Variants in FREM2 observed in about 807,000 individuals in gnomAD.
FREM2 encodes FRAS1 related extracellular matrix 2, also known as FRAS1-related extracellular matrix protein 2.
Under a neutral mutation model 219.9 loss-of-function variants are expected in FREM2, and 119 were observed. The observed-to-expected ratio is 0.54, with a 90% CI of 0.47 to 0.63. The LOEUF is 0.63. Ranked by LOEUF, FREM2 falls within the 30% of genes least tolerant of loss-of-function variation. The pLI, the probability that FREM2 is intolerant of heterozygous loss-of-function variation, is 0.00. For synonymous variants in FREM2, 1,562 were observed against 1,522.8 expected (o/e 1.03, Z -0.60); for missense variants, 4,030 against 3,993.6 (o/e 1.01, Z -0.25).
chr13:38,690,423 C>T lies in FREM2; in HGVS notation c.3079C>T (p.Pro1027Ser), dbSNP rs1869777744. 1 of 1,614,104 alleles carries T rather than the reference C, an allele frequency of 6.2e-7. No individual in the cohort carries two copies. ...THTSGEIGLL[P>S]KADSFNLSLS... ...CACCAGTGGTGAGATAGGCCTATTGCCTAAAGCGGATTCTTTTAACCTGAG... is the reference window on the plus strand; with the variant it reads ...CACCAGTGGTGAGATAGGCCTATTGTCTAAAGCGGATTCTTTTAACCTGAG... Residue 1027 changes from proline (P) to serine (S), a missense_variant, in exon 1 of 24, where the codon CCT (proline) becomes TCT (serine). Pro to Ser is a moderately conservative substitution (Grantham distance 74). This residue lies in a region of FREM2 where 3,102 missense variants were observed against 2,950.7 expected (regional missense o/e 1.05). Transcript: ENST00000280481.
rs777183201 is a variant in FREM2, at chr13:38,857,971, G to A, written c.7153G>A (p.Asp2385Asn). Residue 2385 changes from aspartate (D) to asparagine (N), a missense_variant, in exon 13 of 24, where the codon GAC (aspartate) becomes AAC (asparagine). This residue lies in a region of FREM2 where 928 missense variants were observed against 1,042.9 expected (regional missense o/e 0.89). Coordinates refer to ENST00000280481, the MANE Select transcript of FREM2 (RefSeq NM_207361.6). ...PQIVSLLMYDDTSKAKESAEP... is the reference protein window; with the variant it reads ...PQIVSLLMYDNTSKAKESAEP... The stretch of plus-strand genomic sequence containing the variant: ...AATTGTATCCCTGTTGATGTATGAC[G>A]ACACTTCCAAAGCTAAGGAGAGTGC... 10 of 1,613,726 alleles carry A rather than the reference G, an allele frequency of 6.2e-6. No homozygotes were observed. Among genetic ancestry groups the A allele is most frequent in the African/African-American group, 2.7e-5 (2 of 74,900 alleles).
chr13:38,801,892 G>A (rs571479070), intron 6 of FREM2, among the ~76,000 whole-genome samples: 2 of 152,272 alleles, frequency 1.3e-5, no homozygotes, highest in East Asian at 3.9e-4. Flanking sequence ...TCTGGACCAT[G>A]GATATAATGT....
chr13:38,833,751 A>G (rs1876600638), intron 6 of FREM2, among the ~76,000 whole-genome samples: 1 of 152,124 alleles, frequency 6.6e-6, no homozygotes, highest in African/African-American at 2.4e-5. Context: ...TCAAAGCCTG[A>G]AAAACCCATA....
At chr13:38,816,173 A>G (rs575101174) in intron 6 of FREM2, among the ~76,000 whole-genome samples, 4 of 152,328 alleles carry the variant, frequency 2.6e-5, no homozygotes, top group African/African-American at 9.6e-5. Context: ...ACTAATACCA[A>G]TTCTTCTCAA....
At position 38,807,189 on chromosome 13, in the gene FREM2, T is replaced by TTATATATATATA. The variant is rs59551341; in HGVS notation, c.6019+22409_6019+22420dup. Among the ~76,000 whole-genome samples, 397 of 45,152 alleles carry TTATATATATATA rather than the reference T, an allele frequency of 8.8e-3. 7 individuals carry two copies. Among genetic ancestry groups the TTATATATATATA allele is most frequent in the East Asian group, 0.014 (12 of 848 alleles). The allele number at this position is 45,152 out of a possible 152,430, so 29.6% of individuals were successfully genotyped here. On this transcript the variant is annotated intron_variant, in intron 6 of 23. Coordinates refer to ENST00000280481, the MANE Select transcript of FREM2 (RefSeq NM_207361.6). ...CCTTTTTGCAGAGATCTTGTCTCTGTTATATATATATATATATATATATAT... is the reference window on the plus strand; with the variant it reads ...CCTTTTTGCAGAGATCTTGTCTCTGTTATATATATATATATATATATATATATATATATATAT...
intron 21 of FREM2, among the ~76,000 whole-genome samples, chr13:38,877,796 C>T (rs968793404): frequency 1.3e-5 from 2 of 152,188 alleles, no homozygotes; most frequent in African/African-American, 4.8e-5. Flanking sequence ...CAGTATATAT[C>T]TTATCAACTT....
intron 2 of FREM2, among the ~76,000 whole-genome samples, chr13:38,752,599 A>G (rs190011420): frequency 6.2e-4 from 94 of 152,312 alleles, no homozygotes; most frequent in African/African-American, 2.0e-3. Flanking sequence ...AATGGAAACA[A>G]GTCAGATTAA....
intron 2 of FREM2, among the ~76,000 whole-genome samples, chr13:38,762,149 C>A (rs1283184329): frequency 6.6e-6 from 1 of 152,152 alleles, no homozygotes; most frequent in East Asian, 1.9e-4. Flanking sequence ...CTGAGTCGAT[C>A]TTTGAAGAAA....
intron 11 of FREM2, among the ~76,000 whole-genome samples, chr13:38,854,174 T>C (rs1013720066): frequency 3.3e-5 from 5 of 150,538 alleles, no homozygotes; most frequent in Admixed American, 6.6e-5. Flanking sequence ...TTTTTCATGC[T>C]AAAATAGTCT....
chr13:38,785,217 G>A (rs1223389340), intron 6 of FREM2, among the ~76,000 whole-genome samples: 1 of 152,016 alleles, frequency 6.6e-6, no homozygotes, highest in East Asian at 1.9e-4. Flanking sequence ...AAACCTGTCG[G>A]GCAAGGCTGT....
At chr13:38,850,293 A>C in intron 9 of FREM2, 58 bp downstream of exon 9, 1 of 1,360,210 alleles carries the variant, frequency 7.4e-7, no homozygotes, top group African/African-American at 1.4e-5. Context: ...TTTTACTCAG[A>C]AATATATATC....
chr13:38,753,053 C>T (rs939165018), intron 2 of FREM2, among the ~76,000 whole-genome samples: 2 of 152,142 alleles, frequency 1.3e-5, no homozygotes, highest in African/African-American at 4.8e-5. Flanking sequence ...AATCTTGCTG[C>T]ACCAGGTGTT....
At chr13:38,829,796 C>G (rs1242562267) in intron 6 of FREM2, among the ~76,000 whole-genome samples, 1 of 151,884 alleles carries the variant, frequency 6.6e-6, no homozygotes, top group Non-Finnish European at 1.5e-5. Context: ...CTGAAAGACA[C>G]AAACGGAATA....
At chr13:38,800,595 C>G (rs1311685285) in intron 6 of FREM2, among the ~76,000 whole-genome samples, 1 of 152,076 alleles carries the variant, frequency 6.6e-6, no homozygotes, top group Non-Finnish European at 1.5e-5. Context: ...ATGTCTAGGT[C>G]TCTTGCTAGA....
At chr13:38,862,687 A>G (rs1215232176) in intron 15 of FREM2, among the ~76,000 whole-genome samples, 1 of 152,122 alleles carries the variant, frequency 6.6e-6, no homozygotes, top group African/African-American at 2.4e-5. Context: ...CTTTTGCTGT[A>G]TTGCTTATGC....
chr13:38,749,197 G>C (rs1872605982), intron 2 of FREM2, among the ~76,000 whole-genome samples: 1 of 152,056 alleles, frequency 6.6e-6, no homozygotes, highest in African/African-American at 2.4e-5. Context: ...ATCAAACTTT[G>C]ACACAGTTTG....
At chr13:38,697,362 CT>C (rs1438206906) in intron 1 of FREM2, among the ~76,000 whole-genome samples, 6 of 152,190 alleles carry the variant, frequency 3.9e-5, no homozygotes, top group Non-Finnish European at 5.9e-5. Context: ...CTCAAAATAT[CT>C]TCCTTTCCAC....
intron 12 of FREM2, among the ~76,000 whole-genome samples, chr13:38,857,173 C>T (rs1490263135): frequency 6.6e-6 from 1 of 152,048 alleles, no homozygotes; most frequent in Non-Finnish European, 1.5e-5. Context: ...GATAGTCACT[C>T]AAATTACTTC....
Position 38,687,109 on chromosome 13 carries a change from G to C in FREM2, c.-236G>C. 3.4e-6 allele frequency: 2 copies of C among 593,456 alleles called. No individual in the cohort carries two copies. The highest frequency in any genetic ancestry group is 4.2e-5 in the South Asian group (2 of 47,564). The allele number at this position is 593,456 out of a possible 1,614,324, so 36.8% of individuals were successfully genotyped here. On this transcript the variant is annotated 5_prime_UTR_variant, in exon 1 of 24. Transcript: ENST00000280481. ...GAGGGATTCAATTCTCCGCGCGATT[G>C]AGGCGCTAGCGGCGGAGCTGGACGG...
Sources: gnomAD v4.1 joint callset for allele counts (sites outside exome capture counted in the v4.1 genomes callset) on GRCh38, gnomAD v4.1.1 for gene constraint, gnomAD v4.1.1 regional missense constraint, MANE v1.5 for transcripts, NCBI Gene and HGNC (gene_info 2026-07-23, HGNC 2026-07-21) for gene names.